TDRD3: variants seen among roughly 807,000 people sequenced by gnomAD.
TDRD3 encodes the protein tudor domain-containing protein 3.
TDRD3 carries 45 observed loss-of-function variants against 86.7 expected under a neutral mutation model. That is an observed-to-expected ratio of 0.52 (90% CI 0.41 to 0.67). TDRD3 has a LOEUF of 0.67. TDRD3 is among the 30% of genes least tolerant of loss of function. TDRD3 has a pLI of 0.00. For synonymous variants in TDRD3, 298 were observed against 301.7 expected (o/e 0.99, Z 0.13); for missense variants, 814 against 889.0 (o/e 0.92, Z 1.07).
intron 10 of TDRD3, among the ~76,000 whole-genome samples, chr13:60,524,166 A>G (rs780489220): frequency 5.9e-5 from 9 of 152,254 alleles, no homozygotes; most frequent in Admixed American, 3.3e-4. Flanking sequence ...CTGGGGAACC[A>G]AGGAGCTGCC....
chr13:60,432,308 A>G (rs1434935976), intron 1 of TDRD3, among the ~76,000 whole-genome samples: 2 of 152,084 alleles, frequency 1.3e-5, no homozygotes, highest in Admixed American at 1.3e-4. Flanking sequence ...GCTGTATTGA[A>G]TATATTGATT....
intron 10 of TDRD3, among the ~76,000 whole-genome samples, chr13:60,517,087 TAGC>T (rs1193669547): frequency 1.3e-5 from 2 of 152,310 alleles, no homozygotes; most frequent in Non-Finnish European, 2.9e-5. Context: ...GTTTAGATAT[TAGC>T]AGATATAAAG....
intron 3 of TDRD3, 148 bp from the exon 4 acceptor site, chr13:60,460,232 A>C (rs1955774758): frequency 7.4e-6 from 5 of 671,196 alleles, no homozygotes; most frequent in African/African-American, 1.9e-5. Context: ...ACTTGATAAT[A>C]TATAATTTCA....
At chr13:60,482,596 G>A (rs551166059) in intron 5 of TDRD3, among the ~76,000 whole-genome samples, 1 of 152,212 alleles carries the variant, frequency 6.6e-6, no homozygotes, top group South Asian at 2.1e-4. Context: ...TTTGTTTAAT[G>A]TTTAAATTAA....
chr13:60,502,006 A>G (rs563299427), intron 8 of TDRD3, among the ~76,000 whole-genome samples: 2 of 152,308 alleles, frequency 1.3e-5, no homozygotes, highest in Non-Finnish European at 2.9e-5. Flanking sequence ...AACGTGTATA[A>G]CCCTACTGCA....
chr13:60,421,726 A>T (rs996840886), intron 1 of TDRD3, among the ~76,000 whole-genome samples: 1 of 152,170 alleles, frequency 6.6e-6, no homozygotes, highest in Non-Finnish European at 1.5e-5. Flanking sequence ...TAAAAAGAAA[A>T]AGTTAAAAGC....
At chr13:60,471,048 A>C (rs767343367) in intron 5 of TDRD3, among the ~76,000 whole-genome samples, 5 of 152,140 alleles carry the variant, frequency 3.3e-5, no homozygotes, top group African/African-American at 4.8e-5. Context: ...TGAGTTATGT[A>C]TAGATTCTAG....
At chr13:60,483,903 G>A in intron 6 of TDRD3, 57 bp downstream of exon 6, 3 of 1,529,914 alleles carry the variant, frequency 2.0e-6, no homozygotes, top group Non-Finnish European at 2.7e-6. Flanking sequence ...TTTTTCATTA[G>A]CATTCAAGCT....
At chr13:60,503,557 G>C (rs539129130) in intron 8 of TDRD3, among the ~76,000 whole-genome samples, 53 of 152,240 alleles carry the variant, frequency 3.5e-4, no homozygotes, top group African/African-American at 1.2e-3. Flanking sequence ...AATCCAATGT[G>C]ACTAAACATG....
intron 5 of TDRD3, among the ~76,000 whole-genome samples, chr13:60,482,070 C>G (rs1956329818): frequency 6.6e-6 from 1 of 152,166 alleles, no homozygotes; most frequent in African/African-American, 2.4e-5. Context: ...TCTGTATACC[C>G]TTTATGAGTT....
chr13:60,456,771 C>G (rs1245314614), intron 3 of TDRD3, among the ~76,000 whole-genome samples: 1 of 152,134 alleles, frequency 6.6e-6, no homozygotes, highest in Non-Finnish European at 1.5e-5. Context: ...TCGTGGTTCA[C>G]TGTAGCCTCC....
intron 1 of TDRD3, among the ~76,000 whole-genome samples, chr13:60,431,762 ATAAAAAC>A (rs1326435178): frequency 2.6e-5 from 4 of 151,414 alleles, no homozygotes; most frequent in African/African-American, 9.7e-5. Flanking sequence ...CAAAGAAATC[ATAAAAAC>A]TAAAAACTGA....
intron 12 of TDRD3, among the ~76,000 whole-genome samples, chr13:60,538,323 T>A (rs1050573811): frequency 6.6e-6 from 1 of 151,934 alleles, no homozygotes; most frequent in Non-Finnish European, 1.5e-5. Flanking sequence ...ATCTTCAAAA[T>A]GATTCATTAA....
chr13:60,424,670 C>G (rs1460176799), intron 1 of TDRD3, among the ~76,000 whole-genome samples: 1 of 152,134 alleles, frequency 6.6e-6, no homozygotes, highest in Non-Finnish European at 1.5e-5. Context: ...GAAGGCAACT[C>G]TGTCTGAAAA....
intron 5 of TDRD3, among the ~76,000 whole-genome samples, chr13:60,473,787 A>G (rs1427570615): frequency 6.6e-6 from 1 of 152,152 alleles, no homozygotes; most frequent in Non-Finnish European, 1.5e-5. Flanking sequence ...CTAGCGGACA[A>G]GGCCACTAGA....
At chr13:60,433,989 G>T (rs1032329995) in intron 1 of TDRD3, 1 of 152,150 alleles carries the variant, frequency 6.6e-6, no homozygotes, top group African/African-American at 2.4e-5. Context: ...AATAGTGTTT[G>T]TTTTATCACA....
intron 2 of TDRD3, among the ~76,000 whole-genome samples, chr13:60,440,730 C>G (rs1955243533): frequency 6.6e-6 from 1 of 151,958 alleles, no homozygotes; most frequent in African/African-American, 2.4e-5. Flanking sequence ...CTGCAATTAC[C>G]CTCTGATTGT....
intron 2 of TDRD3, among the ~76,000 whole-genome samples, chr13:60,440,218 A>G (rs1458236194): frequency 1.3e-5 from 2 of 152,292 alleles, no homozygotes; most frequent in African/African-American, 4.8e-5. Flanking sequence ...TTCAGAAAAA[A>G]ACAGAAAAGC....
At chr13:60,419,427 A>T (rs1185278971) in intron 1 of TDRD3, among the ~76,000 whole-genome samples, 1 of 152,220 alleles carries the variant, frequency 6.6e-6, no homozygotes, top group African/African-American at 2.4e-5. Context: ...TGGAACATAT[A>T]CACCATGGAA....
Sources: allele counts gnomAD v4.1 joint callset (sites outside exome capture counted in the v4.1 genomes callset), GRCh38; gene constraint gnomAD v4.1.1; transcripts MANE v1.5; gene names NCBI Gene and HGNC (gene_info 2026-07-23, HGNC 2026-07-21).